The following R3HDM1 variants were observed in gnomAD, a reference collection of about 807,000 sequenced individuals.
R3HDM1 encodes the protein R3H domain-containing protein 1.
In R3HDM1, 46 loss-of-function variants were observed where a neutral mutation model predicts 141.1. The observed-to-expected ratio is 0.33, with a 90% CI of 0.26 to 0.42. The LOEUF is 0.42. R3HDM1 is among the 10% of genes least tolerant of loss of function. R3HDM1 has a pLI of 1.00. For synonymous variants in R3HDM1, 435 were observed against 472.9 expected (o/e 0.92, Z 1.04); for missense variants, 1,184 against 1,368.3 (o/e 0.87, Z 2.12).
chr2:135,592,498 A>G (rs1352162244), intron 1 of R3HDM1, among the ~76,000 whole-genome samples: 1 of 152,166 alleles, frequency 6.6e-6, no homozygotes, highest in African/African-American at 2.4e-5. Flanking sequence ...CTCTAAACAG[A>G]TCACTTTTGA....
intron 21 of R3HDM1, among the ~76,000 whole-genome samples, chr2:135,694,640 A>G (rs1366142063): frequency 1.3e-5 from 2 of 152,204 alleles, no homozygotes; most frequent in Admixed American, 1.3e-4. Flanking sequence ...TGCCACAAGA[A>G]TGTTTCCCAG....
intron 1 of R3HDM1, among the ~76,000 whole-genome samples, chr2:135,578,811 T>C (rs1706100809): frequency 6.6e-6 from 1 of 152,164 alleles, no homozygotes; most frequent in South Asian, 2.1e-4. Context: ...GTGAATATAT[T>C]GTAGATAATG....
intron 19 of R3HDM1, among the ~76,000 whole-genome samples, chr2:135,662,598 A>G (rs1448396531): frequency 6.6e-6 from 1 of 152,208 alleles, no homozygotes; most frequent in African/African-American, 2.4e-5. Context: ...GAATACAAAC[A>G]TTGGTCATTT....
intron 7 of R3HDM1, among the ~76,000 whole-genome samples, chr2:135,624,134 G>A (rs1001233883): frequency 1.3e-5 from 2 of 152,164 alleles, no homozygotes; most frequent in Non-Finnish European, 2.9e-5. Context: ...AGTGGCTCAC[G>A]CTTGTAATCC....
At chr2:135,624,361 T>G (rs2061795332) in intron 7 of R3HDM1, among the ~76,000 whole-genome samples, 1 of 138,464 alleles carries the variant, frequency 7.2e-6, no homozygotes, top group African/African-American at 2.8e-5. Flanking sequence ...GCCACTGCAC[T>G]CCAGCCTGGG....
At chr2:135,632,487 A>G (rs1032788379) in intron 9 of R3HDM1, among the ~76,000 whole-genome samples, 2 of 152,132 alleles carry the variant, frequency 1.3e-5, no homozygotes, top group Non-Finnish European at 1.5e-5. Flanking sequence ...GGTTAATGCA[A>G]TATCATTAGT....
chr2:135,566,165 T>G (rs1258545330), intron 1 of R3HDM1, among the ~76,000 whole-genome samples: 1 of 152,230 alleles, frequency 6.6e-6, no homozygotes, highest in Non-Finnish European at 1.5e-5. Flanking sequence ...GATTCATATA[T>G]TATGTTTGCA....
chr2:135,552,312 C>T (rs1481258463), intron 1 of R3HDM1, among the ~76,000 whole-genome samples: 1 of 152,094 alleles, frequency 6.6e-6, no homozygotes, highest in Non-Finnish European at 1.5e-5. Context: ...TCTCCCCCCT[C>T]AGCCTCCCAA....
chr2:135,581,367 T>A, intron 1 of R3HDM1: 1 of 985,124 alleles, frequency 1.0e-6, no homozygotes, highest in Non-Finnish European at 1.2e-6. Flanking sequence ...ACATTTCACT[T>A]TACCTTTAAC....
At chr2:135,641,973 AT>A (rs11303510) in intron 15 of R3HDM1, among the ~76,000 whole-genome samples, 183 bp downstream of exon 15, 38,562 of 151,996 alleles carry the variant, frequency 0.25, 6,007 homozygotes, top group East Asian at 0.65. Context: ...ATCAGAAAGC[AT>A]TTTTTTCCCC....
At chr2:135,555,093 AGAT>A (rs1240229576) in intron 1 of R3HDM1, among the ~76,000 whole-genome samples, 1 of 152,096 alleles carries the variant, frequency 6.6e-6, no homozygotes, top group Non-Finnish European at 1.5e-5. Flanking sequence ...CGAGGTCAAG[AGAT>A]GGAGACTTTC....
intron 24 of R3HDM1, among the ~76,000 whole-genome samples, chr2:135,720,046 A>G (rs2076555845): frequency 6.6e-6 from 1 of 152,062 alleles, no homozygotes; most frequent in South Asian, 2.1e-4. Flanking sequence ...GGGTTTCACC[A>G]TGTTGGCCAG....
At chr2:135,570,307 A>G (rs1703819391) in intron 1 of R3HDM1, among the ~76,000 whole-genome samples, 1 of 152,212 alleles carries the variant, frequency 6.6e-6, no homozygotes, top group African/African-American at 2.4e-5. Context: ...GTAGGGTAGT[A>G]AAGTATCTTC....
intron 1 of R3HDM1, among the ~76,000 whole-genome samples, chr2:135,576,790 C>G (rs1232781540): frequency 1.3e-5 from 2 of 152,070 alleles, no homozygotes; most frequent in Non-Finnish European, 2.9e-5. Context: ...TATGAAATTT[C>G]AATGATAGGC....
At chr2:135,628,720 G>A (rs751456083) in intron 7 of R3HDM1, among the ~76,000 whole-genome samples, 17 of 152,122 alleles carry the variant, frequency 1.1e-4, no homozygotes, top group African/African-American at 3.9e-4. Context: ...TCCGCCTCCC[G>A]GGTTCAAGCA....
At chr2:135,630,303 A>AAAAAAAAAAAAAAAAAAAAAAAG (rs2062567305) in intron 7 of R3HDM1, among the ~76,000 whole-genome samples, 1 of 146,680 alleles carries the variant, frequency 6.8e-6, no homozygotes, top group African/African-American at 2.6e-5. Flanking sequence ...AAAAAAAAAA[A>AAAAAAAAAAAAAAAAAAAAAAAG]AAAAACAAAA....
At chr2:135,564,948 ATAC>A (rs1430173690) in intron 1 of R3HDM1, among the ~76,000 whole-genome samples, 2 of 152,200 alleles carry the variant, frequency 1.3e-5, no homozygotes, top group African/African-American at 4.8e-5. Context: ...CATACTGTAC[ATAC>A]CATTTTATGG....
At chr2:135,656,165 T>C (rs1418724477) in intron 18 of R3HDM1, among the ~76,000 whole-genome samples, 1 of 152,216 alleles carries the variant, frequency 6.6e-6, no homozygotes, top group Non-Finnish European at 1.5e-5. Flanking sequence ...CTGTCTCTAA[T>C]AGTATTTCTT....
At chr2:135,587,109 G>C (rs1708114354) in intron 1 of R3HDM1, 3 of 550,774 alleles carry the variant, frequency 5.4e-6, no homozygotes, top group Non-Finnish European at 6.9e-6. Flanking sequence ...TTGCAAAAGA[G>C]AGCAAATGCT....
Sources: allele counts gnomAD v4.1 joint callset (sites outside exome capture counted in the v4.1 genomes callset), GRCh38; gene constraint gnomAD v4.1.1; transcripts MANE v1.5; gene names NCBI Gene and HGNC (gene_info 2026-07-23, HGNC 2026-07-21).